AUH: variants seen among roughly 807,000 people sequenced by gnomAD.
The protein encoded by AUH is methylglutaconyl-CoA hydratase, mitochondrial.
AUH carries 29 observed loss-of-function variants against 42.3 expected under a neutral mutation model. The observed-to-expected ratio is 0.69, with a 90% CI of 0.51 to 0.93. The LOEUF (loss-of-function observed/expected upper bound fraction) is 0.93. AUH is among the 40% of genes least tolerant of loss of function. AUH has a pLI of 0.00. For synonymous variants in AUH, 174 were observed against 166.4 expected (o/e 1.05, Z -0.35); for missense variants, 452 against 438.1 (o/e 1.03, Z -0.28).
At chr9:91,277,737 A>C (rs1276932393) in intron 6 of AUH, among the ~76,000 whole-genome samples, 1 of 152,202 alleles carries the variant, frequency 6.6e-6, no homozygotes, top group Non-Finnish European at 1.5e-5. Flanking sequence ...ACTTTTAAGA[A>C]ATCCTCAATT....
intron 9 of AUH, 145 bp downstream of exon 9, chr9:91,215,914 C>G (rs1826792871): frequency 1.2e-6 from 1 of 811,934 alleles, no homozygotes; most frequent in Non-Finnish European, 2.1e-6. Flanking sequence ...TAACAAATAG[C>G]AGAAACAACT....
chr9:91,276,745 C>G (rs566040052), intron 6 of AUH, among the ~76,000 whole-genome samples: 61 of 152,224 alleles, frequency 4.0e-4, no homozygotes, highest in African/African-American at 1.4e-3. Context: ...GGAAACAAAA[C>G]CTGTCACCTT....
At chr9:91,277,004 G>A (rs1410033957) in intron 6 of AUH, among the ~76,000 whole-genome samples, 4 of 152,048 alleles carry the variant, frequency 2.6e-5, no homozygotes, top group Non-Finnish European at 5.9e-5. Flanking sequence ...GGGCAATATA[G>A]CAAGACACTC....
At chr9:91,295,709 T>C (rs1200310950) in intron 6 of AUH, among the ~76,000 whole-genome samples, 1 of 152,250 alleles carries the variant, frequency 6.6e-6, no homozygotes. Flanking sequence ...AATTAAGATA[T>C]GTACATTGTG....
At chr9:91,248,985 C>A (rs895284369) in intron 6 of AUH, among the ~76,000 whole-genome samples, 35 of 152,104 alleles carry the variant, frequency 2.3e-4, no homozygotes, top group African/African-American at 8.2e-4. Flanking sequence ...TTATGAAAAA[C>A]AGAAATGAGT....
intron 6 of AUH, among the ~76,000 whole-genome samples, chr9:91,232,462 T>C (rs1827942631): frequency 6.6e-6 from 1 of 152,172 alleles, no homozygotes; most frequent in African/African-American, 2.4e-5. Flanking sequence ...AAAAAACAAG[T>C]GCCTCAAACC....
intron 6 of AUH, among the ~76,000 whole-genome samples, chr9:91,240,046 C>T (rs1828418104): frequency 6.6e-6 from 1 of 152,214 alleles, no homozygotes; most frequent in African/African-American, 2.4e-5. Context: ...GTTAGAGAAA[C>T]ATACACACCC....
chr9:91,279,151 G>GA (rs1825767871), intron 6 of AUH, among the ~76,000 whole-genome samples: 1 of 152,054 alleles, frequency 6.6e-6, no homozygotes, highest in Non-Finnish European at 1.5e-5. Flanking sequence ...TAAAAATGAA[G>GA]AAAAATTATC....
At chr9:91,238,816 A>G (rs1828336289) in intron 6 of AUH, among the ~76,000 whole-genome samples, 2 of 152,218 alleles carry the variant, frequency 1.3e-5, no homozygotes, top group Non-Finnish European at 2.9e-5. Flanking sequence ...GGCAAGAAGT[A>G]AAATGTTTAA....
intron 6 of AUH, among the ~76,000 whole-genome samples, chr9:91,248,531 T>C (rs1828924000): frequency 2.6e-5 from 4 of 151,930 alleles, no homozygotes. Context: ...CCCCCAGGGG[T>C]AGTGGGAATA....
In AUH at chr9:91,214,054, A is replaced by G. The variant is rs1826686319; in HGVS notation, c.*294T>C. 6.3e-6 allele frequency: 2 copies of G among 315,528 alleles called. No individual in the cohort carries two copies. The highest frequency in any genetic ancestry group is 1.2e-5 in the Non-Finnish European group (2 of 166,670). The allele number at this position is 315,528 out of a possible 1,614,324, so 19.5% of individuals were successfully genotyped here. ...AATGTGCAATATATAAATTATTCAC[A>G]TTAAAAAATTAACAGAAAGCCTCAT... On this transcript the variant is annotated 3_prime_UTR_variant, in exon 10 of 10. Coordinates refer to ENST00000375731, the MANE Select transcript of AUH (RefSeq NM_001698.3).
intron 3 of AUH, among the ~76,000 whole-genome samples, chr9:91,336,116 A>G (rs937232855): frequency 5.9e-5 from 9 of 152,218 alleles, no homozygotes; most frequent in African/African-American, 2.2e-4. Flanking sequence ...AAGAAAAATA[A>G]TAGTGAAAAA....
intron 3 of AUH, chr9:91,342,798 G>C (rs753543105): frequency 3.9e-5 from 6 of 152,140 alleles, no homozygotes; most frequent in Non-Finnish European, 8.8e-5. Context: ...TTTAAGTGCA[G>C]CTGACCTTTG....
intron 6 of AUH, among the ~76,000 whole-genome samples, chr9:91,292,445 A>C (rs571047317): frequency 2.1e-4 from 32 of 151,968 alleles, no homozygotes; most frequent in Non-Finnish European, 2.9e-5. Flanking sequence ...TGACTGGCTA[A>C]TTCTTCTATT....
intron 5 of AUH, among the ~76,000 whole-genome samples, chr9:91,296,841 T>C (rs763235036): frequency 2.8e-4 from 42 of 152,248 alleles, no homozygotes; most frequent in Admixed American, 5.2e-4. Flanking sequence ...ATGTTGACGC[T>C]ACATTGTTCT....
intron 6 of AUH, among the ~76,000 whole-genome samples, chr9:91,294,295 A>C (rs1827139032): frequency 6.6e-6 from 1 of 152,218 alleles, no homozygotes; most frequent in Non-Finnish European, 1.5e-5. Flanking sequence ...CACGCCTGTA[A>C]TCCCAGCACT....
At chr9:91,304,751 G>T (rs565059162) in intron 4 of AUH, among the ~76,000 whole-genome samples, 66 of 152,178 alleles carry the variant, frequency 4.3e-4, no homozygotes, top group African/African-American at 1.4e-3. Flanking sequence ...TCTAACTAAA[G>T]AATTAAGTAA....
intron 6 of AUH, among the ~76,000 whole-genome samples, chr9:91,283,526 C>T (rs148723477): frequency 0.019 from 2,828 of 152,294 alleles, 40 homozygotes; most frequent in South Asian, 0.027. Context: ...CAAATTGTCC[C>T]TGTTTGCAGA....
At chr9:91,313,574 G>A (rs538781271) in intron 4 of AUH, among the ~76,000 whole-genome samples, 46 of 151,472 alleles carry the variant, frequency 3.0e-4, no homozygotes, top group African/African-American at 1.0e-3. Flanking sequence ...GCGCGGTGGC[G>A]GGCGCCTGTA....
Sources: allele counts gnomAD v4.1 joint callset (sites outside exome capture counted in the v4.1 genomes callset), GRCh38; gene constraint gnomAD v4.1.1; transcripts MANE v1.5; gene names NCBI Gene and HGNC (gene_info 2026-07-23, HGNC 2026-07-21).